LHFPL3: variants seen among roughly 807,000 people sequenced by gnomAD.
LHFPL3 encodes LHFPL tetraspan subfamily member 3 protein.
LHFPL3 carries 5 observed loss-of-function variants against 19.3 expected under a neutral mutation model. The ratio of observed to expected loss-of-function variants is 0.26; its 90% CI spans 0.14 to 0.54. The LOEUF (loss-of-function observed/expected upper bound fraction) is 0.54. LHFPL3 is among the 20% of genes least tolerant of loss of function. The pLI, the probability that LHFPL3 is intolerant of heterozygous loss-of-function variation, is 0.94. For synonymous variants in LHFPL3, 133 were observed against 126.2 expected, an observed-to-expected ratio of 1.05 and a Z score of -0.36; for missense variants, 249 against 307.4, an observed-to-expected ratio of 0.81 and a Z score of 1.42.
At chr7:104,602,399 C>G (rs927411830) in intron 1 of LHFPL3, among the ~76,000 whole-genome samples, 1 of 152,166 alleles carries the variant, frequency 6.6e-6, no homozygotes, top group Non-Finnish European at 1.5e-5. Context: ...GAAGGTGGAA[C>G]TTAACATACA....
intron 1 of LHFPL3, among the ~76,000 whole-genome samples, chr7:104,552,635 G>A (rs1438636304): frequency 1.3e-5 from 2 of 152,152 alleles, no homozygotes; most frequent in East Asian, 3.8e-4. Flanking sequence ...AGTTTTAGCA[G>A]GAATACATTC....
At chr7:104,611,179 T>A (rs1164019111) in intron 1 of LHFPL3, among the ~76,000 whole-genome samples, 2 of 152,238 alleles carry the variant, frequency 1.3e-5, no homozygotes, top group Non-Finnish European at 2.9e-5. Context: ...AGATAAATTT[T>A]ATTAAATGAT....
chr7:104,875,599 A>G (rs964231394), intron 2 of LHFPL3, among the ~76,000 whole-genome samples: 14 of 152,200 alleles, frequency 9.2e-5, no homozygotes, highest in African/African-American at 2.9e-4. Context: ...GAAATGTTCA[A>G]TGGCAGTGGA....
At chr7:104,576,690 A>G (rs992765229) in intron 1 of LHFPL3, among the ~76,000 whole-genome samples, 3 of 152,122 alleles carry the variant, frequency 2.0e-5, no homozygotes, top group African/African-American at 7.2e-5. Flanking sequence ...CATGACATAC[A>G]CTGTTTCATG....
chr7:104,853,841 T>C (rs1053290886), intron 2 of LHFPL3, among the ~76,000 whole-genome samples: 1 of 152,172 alleles, frequency 6.6e-6, no homozygotes, highest in Non-Finnish European at 1.5e-5. Context: ...CTCTATACAA[T>C]GTTAGAGGTG....
chr7:104,819,109 A>G (rs1166784329), intron 2 of LHFPL3, among the ~76,000 whole-genome samples: 2 of 152,180 alleles, frequency 1.3e-5, no homozygotes, highest in Non-Finnish European at 1.5e-5. Context: ...TTGATTTAAT[A>G]TAAGCTTAAT....
intron 1 of LHFPL3, among the ~76,000 whole-genome samples, chr7:104,547,676 T>C (rs1440239700): frequency 6.6e-6 from 1 of 152,164 alleles, no homozygotes; most frequent in Non-Finnish European, 1.5e-5. Context: ...ATTCTCAGGT[T>C]TAGAAAACTT....
chr7:104,561,580 G>C (rs1394908950), intron 1 of LHFPL3, among the ~76,000 whole-genome samples: 1 of 152,046 alleles, frequency 6.6e-6, no homozygotes, highest in African/African-American at 2.4e-5. Flanking sequence ...GTGTGTCTCT[G>C]CATGTGAGAT....
At chr7:104,893,885 G>T (rs1037403967) in intron 2 of LHFPL3, among the ~76,000 whole-genome samples, 10 of 151,992 alleles carry the variant, frequency 6.6e-5, no homozygotes, top group Admixed American at 5.9e-4. Context: ...CTGGGAGGCG[G>T]AGGTTGCAGT....
intron 2 of LHFPL3, among the ~76,000 whole-genome samples, chr7:104,825,643 T>G (rs1790803376): frequency 6.6e-6 from 1 of 151,940 alleles, no homozygotes; most frequent in Admixed American, 6.5e-5. Flanking sequence ...TCAAATAGTA[T>G]GAAATCTAAT....
intron 1 of LHFPL3, among the ~76,000 whole-genome samples, chr7:104,523,436 C>A (rs1029472542): frequency 1.3e-5 from 2 of 152,144 alleles, no homozygotes; most frequent in Non-Finnish European, 2.9e-5. Flanking sequence ...CCCTTTACAT[C>A]TGTATCATAT....
chr7:104,392,549 G>C (rs989809240), intron 1 of LHFPL3, among the ~76,000 whole-genome samples: 1 of 151,400 alleles, frequency 6.6e-6, no homozygotes, highest in Non-Finnish European at 1.5e-5. Context: ...CTTGATCATG[G>C]TGGATAAGCT....
chr7:104,806,082 G>C (rs563784534), intron 2 of LHFPL3, among the ~76,000 whole-genome samples: 3 of 152,338 alleles, frequency 2.0e-5, no homozygotes, highest in Admixed American at 6.5e-5. Context: ...CAGGAACTAC[G>C]ACAGTCTTTG....
intron 1 of LHFPL3, among the ~76,000 whole-genome samples, chr7:104,461,128 G>A (rs565442313): frequency 7.2e-5 from 11 of 152,202 alleles, no homozygotes; most frequent in Non-Finnish European, 1.2e-4. Context: ...GGTGGAAGGG[G>A]AGGCAAACAC....
intron 1 of LHFPL3, among the ~76,000 whole-genome samples, chr7:104,506,299 C>T (rs1331728105): frequency 6.6e-6 from 1 of 152,048 alleles, no homozygotes; most frequent in Non-Finnish European, 1.5e-5. Context: ...AAGCACATTC[C>T]ATCCCATTTG....
At chr7:104,865,050 A>C (rs544150691) in intron 2 of LHFPL3, among the ~76,000 whole-genome samples, 1 of 152,334 alleles carries the variant, frequency 6.6e-6, no homozygotes, top group South Asian at 2.1e-4. Flanking sequence ...AACAGAAAGG[A>C]CATCCACACA....
intron 1 of LHFPL3, among the ~76,000 whole-genome samples, chr7:104,736,417 G>T (rs1382784966): frequency 6.6e-6 from 1 of 152,028 alleles, no homozygotes; most frequent in Non-Finnish European, 1.5e-5. Flanking sequence ...TGCGTTCACT[G>T]TAAAGTGCAT....
intron 1 of LHFPL3, among the ~76,000 whole-genome samples, chr7:104,396,895 A>G (rs1046245356): frequency 1.3e-5 from 2 of 152,096 alleles, no homozygotes; most frequent in Non-Finnish European, 2.9e-5. Context: ...ACTTGAGTCT[A>G]GGAGGCTGAG....
intron 1 of LHFPL3, among the ~76,000 whole-genome samples, chr7:104,688,482 T>A (rs73713043): frequency 1.7e-3 from 259 of 152,310 alleles, no homozygotes; most frequent in African/African-American, 4.5e-3. Context: ...TGGAATAGGA[T>A]GTGTGGGAGG....
Sources: gnomAD v4.1 joint callset for allele counts (sites outside exome capture counted in the v4.1 genomes callset) on GRCh38, gnomAD v4.1.1 for gene constraint, MANE v1.5 for transcripts, NCBI Gene and HGNC (gene_info 2026-07-23, HGNC 2026-07-21) for gene names.